The following AMOTL1 variants were observed in gnomAD, a reference collection of about 807,000 sequenced individuals.
The protein encoded by AMOTL1 is angiomotin-like protein 1.
AMOTL1 carries 45 observed loss-of-function variants against 102.9 expected under a neutral mutation model. The observed-to-expected ratio is 0.44, with a 90% CI of 0.34 to 0.56. AMOTL1 has a LOEUF of 0.56. Ranked by LOEUF, AMOTL1 falls within the 20% of genes least tolerant of loss-of-function variation. AMOTL1 has a pLI of 0.01. For missense variants in AMOTL1, 1,114 were observed against 1,225.6 expected (o/e 0.91, Z 1.36); for synonymous variants, 481 against 484.7 (o/e 0.99, Z 0.10).
intron 9 of AMOTL1, among the ~76,000 whole-genome samples, chr11:94,864,337 C>T (rs1354477387): frequency 6.6e-6 from 1 of 152,016 alleles, no homozygotes; most frequent in Non-Finnish European, 1.5e-5. Context: ...TCATAACATG[C>T]CATGTAGCTA....
At chr11:94,828,699 T>C (rs775651912) in intron 4 of AMOTL1, among the ~76,000 whole-genome samples, 21 of 152,340 alleles carry the variant, frequency 1.4e-4, no homozygotes, top group Middle Eastern at 3.4e-3. Context: ...AAACAATGAA[T>C]ATCTGTTCAG....
intron 3 of AMOTL1, among the ~76,000 whole-genome samples, chr11:94,760,324 C>T (rs1052350896): frequency 6.6e-6 from 1 of 152,084 alleles, no homozygotes; most frequent in Admixed American, 6.6e-5. Context: ...TTGTATATAC[C>T]TTACATCACA....
At chr11:94,772,057 A>G (rs1391204178) in intron 1 of AMOTL1, among the ~76,000 whole-genome samples, 1 of 152,200 alleles carries the variant, frequency 6.6e-6, no homozygotes, top group Admixed American at 6.5e-5. Context: ...AAATGATCAT[A>G]GCTTCATAGG....
intron 1 of AMOTL1, among the ~76,000 whole-genome samples, chr11:94,771,775 C>CAGG (rs1256670402): frequency 6.6e-6 from 1 of 152,110 alleles, no homozygotes; most frequent in Admixed American, 6.5e-5. Context: ...ACACTCAGGA[C>CAGG]AGGACTCCTG....
chr11:94,748,557 A>G (rs1036232452), intron 3 of AMOTL1, among the ~76,000 whole-genome samples: 2 of 152,236 alleles, frequency 1.3e-5, no homozygotes, highest in Admixed American at 6.5e-5. Flanking sequence ...TAGGAAGCAC[A>G]TCTTAGTGGT....
intron 1 of AMOTL1, among the ~76,000 whole-genome samples, chr11:94,790,563 C>T (rs776185060): frequency 1.4e-4 from 22 of 152,180 alleles, no homozygotes; most frequent in Non-Finnish European, 1.5e-4. Context: ...ATGACATGTT[C>T]ACAGGATGCT....
Position 94,871,025 on chromosome 11 carries a change from G to A in AMOTL1, c.*230G>A, listed in dbSNP as rs1015997516. 53 of 407,574 alleles carry A rather than the reference G, an allele frequency of 1.3e-4. No homozygotes were observed. The highest frequency in any genetic ancestry group is 3.2e-4 in the Admixed American group (8 of 24,910). 25.2% of individuals were successfully genotyped at this position (407,574 alleles called of 1,614,324 possible). On this transcript the variant is annotated 3_prime_UTR_variant, in exon 13 of 13. Coordinates refer to ENST00000433060, the MANE Select transcript of AMOTL1 (RefSeq NM_130847.3). ...ACACATGGTGGAAGAGAGAAGAGGC[G>A]TGTAGGTTTGCAAACAAAGTTAAGA... is the stretch of plus-strand genomic sequence containing the variant.
chr11:94,768,920 C>A (rs1179704038), intron 1 of AMOTL1, among the ~76,000 whole-genome samples: 6 of 151,976 alleles, frequency 3.9e-5, no homozygotes. Flanking sequence ...GCGGGTCTCG[C>A]GGCGAGGGAG....
At chr11:94,804,359 C>T (rs957382128) in intron 3 of AMOTL1, among the ~76,000 whole-genome samples, 1 of 152,246 alleles carries the variant, frequency 6.6e-6, no homozygotes, top group Non-Finnish European at 1.5e-5. Flanking sequence ...GCAGTCACAG[C>T]TCACTGCAAC....
rs189642688 is a variant in AMOTL1 at position 94,865,181 on chromosome 11, G to A, written c.2261+321G>A. Among the ~76,000 whole-genome samples, 580 of 152,308 alleles carry A rather than the reference G, an allele frequency of 3.8e-3. 1 individual carries two copies. The highest frequency in any genetic ancestry group is 0.014 in the Middle Eastern group (4 of 294). ...GGTGTCTATCTCTATGACATTATGA[G>A]CTGAAAGGGGGAAACATTATATCCC... On this transcript the variant is annotated intron_variant, in intron 10 of 12. Transcript: ENST00000433060.
intron 5 of AMOTL1, 76 bp from the exon 6 acceptor site, chr11:94,831,376 C>T: frequency 8.1e-7 from 1 of 1,238,122 alleles, no homozygotes. Context: ...GCTCTTGGCA[C>T]ATATTTCATT....
intron 1 of AMOTL1, among the ~76,000 whole-genome samples, chr11:94,771,264 G>GGA (rs1555067570): frequency 3.5e-5 from 5 of 144,924 alleles, no homozygotes; most frequent in South Asian, 2.3e-4. Context: ...GGGGTTGGGG[G>GGA]GGGGGTGCGG....
At chr11:94,768,934 A>T (rs889278900) in intron 1 of AMOTL1, among the ~76,000 whole-genome samples, 1 of 151,868 alleles carries the variant, frequency 6.6e-6, no homozygotes, top group Non-Finnish European at 1.5e-5. Context: ...GAGGGAGGGG[A>T]CGGAAGGGGG....
upstream of AMOTL1, among the ~76,000 whole-genome samples, chr11:94,764,759 ATAGAG>A (rs1230335493): frequency 5.9e-5 from 9 of 152,252 alleles, no homozygotes; most frequent in Non-Finnish European, 1.3e-4. Flanking sequence ...TTGCATTTTA[ATAGAG>A]TATTTAAATT....
chr11:94,859,705 G>A lies in AMOTL1; in HGVS notation c.2125G>A (p.Ala709Thr). Reference sequence around the variant, plus strand: ...TGCCATGAATGCCGCAGCCACTGCAGCAGCTGAGAGGTGAGACCAGTGGAA... The same window carrying A: ...TGCCATGAATGCCGCAGCCACTGCAACAGCTGAGAGGTGAGACCAGTGGAA... ...HFAMNAAATA[A>T]AERDTTIINH... The change falls in exon 9 of 13, where the codon GCA (alanine) becomes ACA (threonine). Residue 709 changes from alanine (A) to threonine (T), a missense_variant. Ala to Thr is a moderately conservative substitution (Grantham distance 58, BLOSUM62 0). Coordinates refer to ENST00000433060, the MANE Select transcript of AMOTL1 (RefSeq NM_130847.3). 1 of 1,608,156 alleles carries A rather than the reference G, an allele frequency of 6.2e-7. No individual in the cohort carries two copies. The highest frequency in any genetic ancestry group is 8.5e-7 in the Non-Finnish European group (1 of 1,176,786).
rs771552024 is a variant in AMOTL1 at position 94,853,998 on chromosome 11, G to A, written c.1860G>A (p.Gln620=). Residue 620 remains glutamine, a synonymous_variant, in exon 8 of 13, where the codon CAG becomes CAA. Coordinates refer to ENST00000433060, the MANE Select transcript of AMOTL1 (RefSeq NM_130847.3). ...TGCAGCAGGCCCTGACCCAGCTGCAGTCTGCATGTGAGAAGCGAGAACAGA... is the reference window on the plus strand; with the variant it reads ...TGCAGCAGGCCCTGACCCAGCTGCAATCTGCATGTGAGAAGCGAGAACAGA... ...EKLQQALTQL[Q]SACEKREQME... is the part of the protein sequence containing the mutation. 5.0e-6 allele frequency: 8 copies of A among 1,596,152 alleles called. No individual in the cohort carries two copies. Among genetic ancestry groups the A allele is most frequent in the Non-Finnish European group, 6.8e-6 (8 of 1,170,756 alleles).
chr11:94,822,147 G>A (rs140684078), intron 4 of AMOTL1, among the ~76,000 whole-genome samples: 4 of 152,302 alleles, frequency 2.6e-5, no homozygotes, highest in Non-Finnish European at 5.9e-5. Context: ...GGAACACGGA[G>A]AGTAAATAAC....
Position 94,822,753 on chromosome 11 carries a change from C to T in AMOTL1, c.1413+932C>T, listed in dbSNP as rs143017785. On this transcript the variant is annotated intron_variant, in intron 4 of 12. Coordinates refer to ENST00000433060, the MANE Select transcript of AMOTL1 (RefSeq NM_130847.3). ...TAAATAGGGGAACGTCCAGCAAGAA[C>T]GAGCTGTTGCTGGGCAGTGATTTCA... Among the ~76,000 whole-genome samples the T allele has an allele frequency of 3.3e-4, 50 of 152,256 alleles. 1 individual carries two copies. The highest frequency in any genetic ancestry group is 1.2e-3 in the African/African-American group (48 of 41,546).
chr11:94,768,583 G>A, intron 1 of AMOTL1, 23 bp downstream of exon 1: 1 of 1,581,172 alleles, frequency 6.3e-7, no homozygotes, highest in Non-Finnish European at 8.6e-7. Flanking sequence ...CACTCGAGGT[G>A]CCGGGAGGGC....
Sources: gnomAD v4.1 joint callset for allele counts (sites outside exome capture counted in the v4.1 genomes callset) on GRCh38, gnomAD v4.1.1 for gene constraint, MANE v1.5 for transcripts, NCBI Gene and HGNC (gene_info 2026-07-23, HGNC 2026-07-21) for gene names.